Variants in GRIN2B observed in about 807,000 individuals in gnomAD.
GRIN2B encodes glutamate receptor ionotropic, NMDA 2B.
GRIN2B carries 5 observed loss-of-function variants against 114.5 expected under a neutral mutation model. The ratio of observed to expected loss-of-function variants is 0.04; its 90% CI spans 0.02 to 0.09. The LOEUF is 0.09. Among genes scored for constraint, GRIN2B ranks in the 10% least tolerant of loss-of-function variants. The probability of loss-of-function intolerance (pLI) is 1.00; values close to 1 mark genes in which losing one functional copy is unlikely to be tolerated. For missense variants in GRIN2B, 1,108 were observed against 1,943.5 expected (o/e 0.57, Z 8.08); for synonymous variants, 787 against 745.1 (o/e 1.06, Z -0.92).
chr12:13,872,095 A>G (rs1417198745), intron 2 of GRIN2B, among the ~76,000 whole-genome samples: 1 of 152,150 alleles, frequency 6.6e-6, no homozygotes, highest in Non-Finnish European at 1.5e-5. Flanking sequence ...CCTTGCTCAT[A>G]TAAGTGGAAC....
At position 13,753,277 on chromosome 12, in the gene GRIN2B, C is replaced by G. The variant is rs754152501; in HGVS notation, c.1010+40G>C. On this transcript the variant is annotated intron_variant, in intron 4 of 13. Transcript: ENST00000609686. This position sits in a 1 kb window ranked among gnomAD's most constrained non-coding sequence, Gnocchi z 6.2. Reference sequence around the variant, plus strand: ...CAACCCCAGTCTTTGAAGCTCCCCTCTCATCTCCACCATCAATGTGCCCTC... The same window carrying G: ...CAACCCCAGTCTTTGAAGCTCCCCTGTCATCTCCACCATCAATGTGCCCTC... 8 of 1,165,786 alleles carry G rather than the reference C, an allele frequency of 6.9e-6. No homozygotes were observed. The highest frequency in any genetic ancestry group is 9.1e-6 in the Non-Finnish European group (7 of 771,018). 72.2% of individuals were successfully genotyped at this position (1,165,786 alleles called of 1,614,324 possible). A position where few individuals can be genotyped will look rare whatever the true frequency, so the allele number is the denominator to read the frequency against.
intron 3 of GRIN2B, among the ~76,000 whole-genome samples, chr12:13,777,860 T>C (rs746048509): frequency 1.6e-4 from 25 of 152,178 alleles, no homozygotes; most frequent in Non-Finnish European, 3.2e-4. Flanking sequence ...GCTAGCACAA[T>C]CTCTCCTAAA....
At chr12:13,740,986 G>T (rs1221330171) in intron 4 of GRIN2B, among the ~76,000 whole-genome samples, 12 of 152,112 alleles carry the variant, frequency 7.9e-5, no homozygotes, top group Admixed American at 4.6e-4. Context: ...ATGTGTCATG[G>T]TCTAGTCTTT....
intron 10 of GRIN2B, among the ~76,000 whole-genome samples, chr12:13,594,352 G>T (rs754055080): frequency 1.3e-5 from 2 of 152,060 alleles, no homozygotes; most frequent in African/African-American, 4.8e-5. Flanking sequence ...CCATAAAAAA[G>T]GATCAGTTCA....
intron 3 of GRIN2B, among the ~76,000 whole-genome samples, chr12:13,768,131 CCTT>C (rs1254286188): frequency 1.3e-5 from 2 of 152,330 alleles, no homozygotes; most frequent in East Asian, 3.9e-4. Flanking sequence ...AGTTAAGCTT[CCTT>C]CTTTGATATG....
rs371321913 is a variant in GRIN2B, at chr12:13,680,498, T to C, written c.1011-4639A>G. Among the ~76,000 whole-genome samples the C allele has an allele frequency of 8.0e-5, 12 of 150,364 alleles. No homozygotes were observed. The East Asian group carries it at 1.8e-3, about 22-fold the overall frequency. Reference sequence around the variant, plus strand: ...TGTGTGTGTGTGTATTTTAAATTGCTTGATTTGTCTCTAGAATGTAGTTTG... The same window carrying C: ...TGTGTGTGTGTGTATTTTAAATTGCCTGATTTGTCTCTAGAATGTAGTTTG... On this transcript the variant is annotated intron_variant, in intron 4 of 13. Transcript: ENST00000609686.
At chr12:13,621,639 T>TCAGAAAAACAGTGA (rs1949518800) in intron 5 of GRIN2B, among the ~76,000 whole-genome samples, 1 of 133,156 alleles carries the variant, frequency 7.5e-6, no homozygotes, top group Non-Finnish European at 1.7e-5. Context: ...TTTTTTTTTT[T>TCAGAAAAACAGTGA]TCAGAAAAAC....
intron 4 of GRIN2B, among the ~76,000 whole-genome samples, chr12:13,716,040 C>T (rs1376045946): frequency 6.6e-6 from 1 of 151,930 alleles, no homozygotes; most frequent in South Asian, 2.1e-4. Flanking sequence ...AACAGCCACA[C>T]AATCCTTTCT....
chr12:13,868,074 C>T (rs900330187), intron 2 of GRIN2B, among the ~76,000 whole-genome samples: 1 of 152,118 alleles, frequency 6.6e-6, no homozygotes, highest in Non-Finnish European at 1.5e-5. Flanking sequence ...TGAAGAAGCA[C>T]AAAATCCAAT....
chr12:13,876,114 T>C (rs1865987455), intron 2 of GRIN2B, among the ~76,000 whole-genome samples: 1 of 152,170 alleles, frequency 6.6e-6, no homozygotes, highest in African/African-American at 2.4e-5. Flanking sequence ...TAATAAAATA[T>C]CATTTAGAAG....
chr12:13,551,375 C>T lies in GRIN2B; in HGVS notation c.*11408G>A, dbSNP rs558607105. ...CTTCTCCATCCTCTTAGTACCAGTC[C>T]ATCAACAGGACCTTAGAAGGCCACA... On this transcript the variant is annotated 3_prime_UTR_variant, in exon 14 of 14. Coordinates refer to ENST00000609686, the MANE Select transcript of GRIN2B (RefSeq NM_000834.5). The T allele has an allele frequency of 6.6e-6, 1 of 152,112 alleles. No individual in the cohort carries two copies. The highest frequency in any genetic ancestry group is 2.4e-5 in the African/African-American group (1 of 41,416). The allele number at this position is 152,112 out of a possible 1,614,324, so 9.4% of individuals were successfully genotyped here. A position where few individuals can be genotyped will look rare whatever the true frequency, so the allele number is the denominator to read the frequency against.
intron 2 of GRIN2B, among the ~76,000 whole-genome samples, chr12:13,966,576 AATT>A (rs915767853): frequency 9.9e-5 from 15 of 152,202 alleles, no homozygotes; most frequent in Non-Finnish European, 2.2e-4. Flanking sequence ...TGCCAGATGT[AATT>A]TGATGAGATA....
Position 13,569,939 on chromosome 12 carries a change from G to A in GRIN2B, c.2250C>T (p.Thr750=). 6 of 1,612,330 alleles carry A rather than the reference G, an allele frequency of 3.7e-6. No homozygotes were observed. Among genetic ancestry groups the A allele is most frequent in the Non-Finnish European group, 5.1e-6 (6 of 1,178,410 alleles). Residue 750 remains threonine (T), a synonymous_variant, in exon 12 of 14, where the codon ACC becomes ACT. Coordinates refer to ENST00000609686, the MANE Select transcript of GRIN2B (RefSeq NM_000834.5). ...AGRDEGCKLV[T]IGSGKVFAST... is the part of the protein sequence containing the mutation. ...AAGCAAAGACCTTCCCACTGCCAAT[G>A]GTCACCAGCTTGCAGCCTTCATCTC...
intron 3 of GRIN2B, among the ~76,000 whole-genome samples, chr12:13,815,564 A>G (rs545713850): frequency 6.9e-4 from 105 of 152,282 alleles, no homozygotes; most frequent in Middle Eastern, 6.8e-3. Context: ...AAACTTGAAG[A>G]GACTATAGAA....
At chr12:13,869,129 G>C (rs1028612963) in intron 2 of GRIN2B, among the ~76,000 whole-genome samples, 3 of 152,000 alleles carry the variant, frequency 2.0e-5, no homozygotes, top group African/African-American at 7.3e-5. Flanking sequence ...ATATGATGAT[G>C]TGTCCACCTA....
intron 3 of GRIN2B, among the ~76,000 whole-genome samples, chr12:13,818,338 C>T (rs1038810353): frequency 2.0e-5 from 3 of 152,212 alleles, no homozygotes; most frequent in African/African-American, 7.2e-5. Context: ...CCCACACATG[C>T]CACAGGCATA....
chr12:13,932,812 T>C (rs1049345137), intron 2 of GRIN2B, among the ~76,000 whole-genome samples: 2 of 152,202 alleles, frequency 1.3e-5, no homozygotes, highest in South Asian at 4.1e-4. Flanking sequence ...CAGCCAACCC[T>C]TAACCACAAA....
intron 4 of GRIN2B, among the ~76,000 whole-genome samples, chr12:13,710,806 G>A (rs1950406886): frequency 6.6e-6 from 1 of 152,106 alleles, no homozygotes; most frequent in Admixed American, 6.6e-5. Context: ...ATTGCCCAAG[G>A]TAATTTATAG....
At position 13,671,662 on chromosome 12, in the gene GRIN2B, G is replaced by T. The variant is rs761320510; in HGVS notation, c.1125+4083C>A. On this transcript the variant is annotated intron_variant, in intron 5 of 13. Transcript: ENST00000609686. ...AGGAGGGGAAGTTACCTGTTCCCAT[G>T]CTGTCTCCAGTAAACTTCTATGTCT... 5.2e-4 allele frequency among the ~76,000 whole-genome samples: 79 copies of T among 152,174 alleles called. 2 individuals carry two copies. The highest frequency in any genetic ancestry group is 8.8e-5 in the Non-Finnish European group (6 of 68,032).
Sources: gnomAD v4.1 joint callset for allele counts (sites outside exome capture counted in the v4.1 genomes callset) on GRCh38, gnomAD v4.1.1 for gene constraint, Gnocchi (gnomAD v3.1) non-coding constraint, MANE v1.5 for transcripts, NCBI Gene and HGNC (gene_info 2026-07-23, HGNC 2026-07-21) for gene names.